Variants in RBFOX1 observed in about 807,000 individuals in gnomAD.
RBFOX1 encodes the protein RNA binding protein fox-1 homolog 1.
In RBFOX1, 8 loss-of-function variants were observed where a neutral mutation model predicts 57.7. The observed-to-expected ratio is 0.14, with a 90% confidence interval of 0.08 to 0.25. The LOEUF (loss-of-function observed/expected upper bound fraction) is 0.25. Ranked by LOEUF, RBFOX1 falls within the 10% of genes least tolerant of loss-of-function variation. The probability of loss-of-function intolerance (pLI) is 1.00; values close to 1 mark genes in which losing one functional copy is unlikely to be tolerated. For missense variants in RBFOX1, 611 were observed against 548.5 expected (o/e 1.11, Z -1.14); for synonymous variants, 326 against 222.4 (o/e 1.47, Z -4.15).
At chr16:6,371,097 T>C (rs1313184216) in intron 2 of RBFOX1, among the ~76,000 whole-genome samples, 1 of 152,208 alleles carries the variant, frequency 6.6e-6, no homozygotes, top group Non-Finnish European at 1.5e-5. Context: ...TTATTGGTGA[T>C]ATTAACATCA....
At chr16:5,783,585 C>T (rs1255386808) in intron 3 of RBFOX1, among the ~76,000 whole-genome samples, 3 of 152,208 alleles carry the variant, frequency 2.0e-5, no homozygotes, top group African/African-American at 4.8e-5. Context: ...CCCATTCATG[C>T]TCATATTTTA....
intron 1 of RBFOX1, among the ~76,000 whole-genome samples, chr16:6,287,852 A>G (rs2077055399): frequency 1.3e-5 from 2 of 152,180 alleles, no homozygotes; most frequent in Admixed American, 6.6e-5. Flanking sequence ...AAAGATCTTT[A>G]GGAAATACTG....
At chr16:5,792,822 A>G (rs1393293247) in intron 3 of RBFOX1, among the ~76,000 whole-genome samples, 1 of 152,206 alleles carries the variant, frequency 6.6e-6, no homozygotes, top group Non-Finnish European at 1.5e-5. Flanking sequence ...CAGCCTGGGC[A>G]ACAAGAGCGA....
chr16:6,078,448 T>C (rs1474772443), intron 1 of RBFOX1, among the ~76,000 whole-genome samples: 1 of 152,064 alleles, frequency 6.6e-6, no homozygotes, highest in Non-Finnish European at 1.5e-5. Context: ...TTAGTATTAA[T>C]GTATTTTATG....
chr16:5,466,702 G>T (rs2068964659), intron 1 of RBFOX1, among the ~76,000 whole-genome samples: 1 of 152,090 alleles, frequency 6.6e-6, no homozygotes, highest in Non-Finnish European at 1.5e-5. Flanking sequence ...TCATCTCTTT[G>T]CCTCTCCCAT....
At chr16:7,448,060 T>TA (rs2098822364) in intron 4 of RBFOX1, among the ~76,000 whole-genome samples, 1 of 152,202 alleles carries the variant, frequency 6.6e-6, no homozygotes, top group Admixed American at 6.5e-5. Context: ...AACAACTGAC[T>TA]AATCTAAGGG....
intron 3 of RBFOX1, among the ~76,000 whole-genome samples, chr16:6,838,828 C>T (rs2093291649): frequency 6.6e-6 from 1 of 152,166 alleles, no homozygotes; most frequent in South Asian, 2.1e-4. Flanking sequence ...TCAGCTTTCT[C>T]AGGTGCTTCC....
intron 4 of RBFOX1, among the ~76,000 whole-genome samples, chr16:7,167,980 C>A (rs762484903): frequency 1.3e-5 from 2 of 152,126 alleles, no homozygotes; most frequent in African/African-American, 2.4e-5. Context: ...CAGCGCAGAA[C>A]CACACAAGGT....
At chr16:5,901,097 A>G (rs1254484986) in intron 4 of RBFOX1, among the ~76,000 whole-genome samples, 3 of 152,172 alleles carry the variant, frequency 2.0e-5, no homozygotes, top group Non-Finnish European at 2.9e-5. Flanking sequence ...GACTAGTGTC[A>G]GGAGAAACGG....
Position 7,712,391 on chromosome 16 carries a change from C to CA in RBFOX1, c.*1650dup, listed in dbSNP as rs2084130827. 2 of 152,466 alleles carry CA rather than the reference C, an allele frequency of 1.3e-5. No homozygotes were observed. The highest frequency in any genetic ancestry group is 4.8e-5 in the African/African-American group (2 of 41,378). 9.4% of individuals were successfully genotyped at this position (152,466 alleles called of 1,614,324 possible). A position where few individuals can be genotyped will look rare whatever the true frequency, so the allele number is the denominator to read the frequency against. On this transcript the variant is annotated 3_prime_UTR_variant, in exon 16 of 16. Coordinates refer to ENST00000550418, the MANE Select transcript of RBFOX1 (RefSeq NM_018723.4). ...AACTCTGCTTTAAAACAAAACCAAA[C>CA]AAAACTTTAAAAAAAAATGTGTGAT...
chr16:6,506,860 C>G (rs532294986), intron 2 of RBFOX1, among the ~76,000 whole-genome samples: 1 of 152,200 alleles, frequency 6.6e-6, no homozygotes, highest in East Asian at 1.9e-4. Context: ...GTTGGCCAGG[C>G]TGGTCTCAAA....
intron 4 of RBFOX1, among the ~76,000 whole-genome samples, chr16:7,067,602 G>C (rs1280943115): frequency 1.3e-5 from 2 of 151,882 alleles, no homozygotes; most frequent in Non-Finnish European, 2.9e-5. Context: ...AGTTACGTAT[G>C]TATACATGTG....
At chr16:7,672,782 G>C (rs1228705838) in intron 13 of RBFOX1, among the ~76,000 whole-genome samples, 1 of 134,808 alleles carries the variant, frequency 7.4e-6, no homozygotes, top group Non-Finnish European at 1.5e-5. Flanking sequence ...CAGGAGAATC[G>C]GTTGAACCTG....
At chr16:7,299,428 C>G (rs932663682) in intron 4 of RBFOX1, among the ~76,000 whole-genome samples, 1 of 152,160 alleles carries the variant, frequency 6.6e-6, no homozygotes, top group Non-Finnish European at 1.5e-5. Context: ...AACCCACACC[C>G]AAACTAGAAA....
chr16:6,879,654 G>C (rs554139200), intron 3 of RBFOX1, among the ~76,000 whole-genome samples: 1 of 152,188 alleles, frequency 6.6e-6, no homozygotes, highest in Non-Finnish European at 1.5e-5. Flanking sequence ...GTAAGGTCCA[G>C]TTGTGTTATT....
chr16:5,717,602 T>C (rs552548522), intron 3 of RBFOX1, among the ~76,000 whole-genome samples: 18 of 152,172 alleles, frequency 1.2e-4, no homozygotes, highest in Non-Finnish European at 2.4e-4. Flanking sequence ...ATATACGATA[T>C]TTGGTTTTCC....
chr16:6,638,625 AT>A (rs1175790084), intron 2 of RBFOX1, among the ~76,000 whole-genome samples: 2 of 152,178 alleles, frequency 1.3e-5, no homozygotes, highest in Non-Finnish European at 2.9e-5. Context: ...GATTGAACAA[AT>A]TTTTTACACT....
intron 1 of RBFOX1, among the ~76,000 whole-genome samples, chr16:5,294,994 C>CG (rs1567294132): frequency 7.6e-5 from 9 of 118,988 alleles, no homozygotes; most frequent in Non-Finnish European, 1.8e-4. Context: ...CGCACCATTG[C>CG]ACTCCAGCCT....
At position 7,691,215 on chromosome 16, in the gene RBFOX1, A is replaced by G. The variant is rs540178650; in HGVS notation, c.995+14377A>G. Among the ~76,000 whole-genome samples the G allele has an allele frequency of 3.4e-3, 203 of 60,336 alleles. 1 individual carries two copies. The highest frequency in any genetic ancestry group is 0.021 in the Middle Eastern group (2 of 96). The allele number at this position is 60,336 out of a possible 152,430, so 39.6% of individuals were successfully genotyped here. A position where few individuals can be genotyped will look rare whatever the true frequency, so the allele number is the denominator to read the frequency against. On this transcript the variant is annotated intron_variant, in intron 14 of 15. Coordinates refer to ENST00000550418, the MANE Select transcript of RBFOX1 (RefSeq NM_018723.4). ...CACTATTATTGAGAACTCTGCCTTG[A>G]AACAGATGTGAATTTGTAGTCAGAA...
Sources: allele counts gnomAD v4.1 joint callset (sites outside exome capture counted in the v4.1 genomes callset), GRCh38; gene constraint gnomAD v4.1.1; transcripts MANE v1.5; gene names NCBI Gene and HGNC (gene_info 2026-07-23, HGNC 2026-07-21).